KIAA1217: variants seen among roughly 807,000 people sequenced by gnomAD.
KIAA1217 encodes sickle tail protein homolog.
In KIAA1217, 88 loss-of-function variants were observed where a neutral mutation model predicts 163.9. That is an observed-to-expected ratio of 0.54 (90% confidence interval 0.45 to 0.64). The LOEUF (loss-of-function observed/expected upper bound fraction) is 0.64, where lower values mean the gene tolerates loss of function less well. Among genes scored for constraint, KIAA1217 ranks in the 30% least tolerant of loss-of-function variants. KIAA1217 has a pLI of 0.00. For synonymous variants in KIAA1217, 903 were observed against 923.1 expected (o/e 0.98, Z 0.39); for missense variants, 2,372 against 2,475.0 (o/e 0.96, Z 0.88).
At chr10:24,094,412 G>A (rs998177406) in intron 2 of KIAA1217, among the ~76,000 whole-genome samples, 1 of 152,188 alleles carries the variant, frequency 6.6e-6, no homozygotes, top group Non-Finnish European at 1.5e-5. Flanking sequence ...GGTTTTTGGT[G>A]TGGATGTCCT....
chr10:24,395,793 C>G (rs2055652269), intron 3 of KIAA1217, among the ~76,000 whole-genome samples: 3 of 152,132 alleles, frequency 2.0e-5, no homozygotes, highest in Admixed American at 6.5e-5. Context: ...ACCTCAGCCT[C>G]TCAAGTAGCT....
chr10:24,287,042 T>TTTTTG (rs1426976208), intron 2 of KIAA1217, among the ~76,000 whole-genome samples: 4 of 152,082 alleles, frequency 2.6e-5, no homozygotes, highest in Non-Finnish European at 2.9e-5. Context: ...TCTCACTTGT[T>TTTTTG]TTTTGTTTTG....
chr10:24,245,552 T>C (rs1047974582), intron 2 of KIAA1217, among the ~76,000 whole-genome samples: 1 of 152,202 alleles, frequency 6.6e-6, no homozygotes, highest in Non-Finnish European at 1.5e-5. Flanking sequence ...TGATTTTCTC[T>C]CTTCAATATT....
intron 1 of KIAA1217, among the ~76,000 whole-genome samples, chr10:23,895,523 G>T (rs1378415159): frequency 2.0e-5 from 3 of 152,086 alleles, no homozygotes; most frequent in African/African-American, 7.2e-5. Context: ...GGAGAAATAG[G>T]AACACTTTTA....
intron 1 of KIAA1217, among the ~76,000 whole-genome samples, chr10:23,984,797 A>G (rs1361586871): frequency 6.6e-6 from 1 of 152,076 alleles, no homozygotes; most frequent in Admixed American, 6.6e-5. Flanking sequence ...GCATTAGGAC[A>G]AGTACCTAAT....
At chr10:24,181,980 G>T (rs1173663244) in intron 2 of KIAA1217, among the ~76,000 whole-genome samples, 1 of 152,176 alleles carries the variant, frequency 6.6e-6, no homozygotes, top group East Asian at 1.9e-4. Flanking sequence ...TTTAAGTGGG[G>T]CTTTGAGAGA....
intron 5 of KIAA1217, among the ~76,000 whole-genome samples, chr10:24,451,451 T>C (rs1163664857): frequency 2.0e-5 from 3 of 152,214 alleles, no homozygotes; most frequent in Admixed American, 1.3e-4. Flanking sequence ...CTCCTGAAGA[T>C]TGAGACATCA....
intron 1 of KIAA1217, among the ~76,000 whole-genome samples, chr10:23,892,642 A>C (rs2131218276): frequency 6.6e-6 from 1 of 152,074 alleles, no homozygotes; most frequent in Middle Eastern, 3.4e-3. Context: ...CTCATGGAAA[A>C]TTTGCACAGT....
chr10:23,750,810 C>A (rs1196790431), intron 1 of KIAA1217, among the ~76,000 whole-genome samples: 1 of 151,978 alleles, frequency 6.6e-6, no homozygotes. Flanking sequence ...AAGTGTTGGT[C>A]CTATTTTACA....
In KIAA1217 at chr10:24,547,568, T is replaced by C. The variant is rs1304857485; in HGVS notation, c.*1244T>C. 6.6e-6 allele frequency: 1 copy of C among 152,228 alleles called. No individual in the cohort carries two copies. Among genetic ancestry groups the C allele is most frequent in the Non-Finnish European group, 1.5e-5 (1 of 68,042 alleles). 9.4% of individuals were successfully genotyped at this position (152,228 alleles called of 1,614,324 possible). On this transcript the variant is annotated 3_prime_UTR_variant, in exon 21 of 21. Transcript: ENST00000376454. ...GTTACCGAGTTAAATGTTTTTCCGC[T>C]TTGAGGGATGTAACCACATCCACTC...
In KIAA1217 at chr10:24,059,213, C is replaced by G. The variant is rs1347935463; in HGVS notation, c.-171+51839C>G. 2.0e-5 allele frequency among the ~76,000 whole-genome samples: 3 copies of G among 151,942 alleles called. No homozygotes were observed. The East Asian group carries it at 5.8e-4, about 29-fold the overall frequency. ...TTTGTATGCTCCACCATCCTTGCAC[C>G]CTAGGGATAAATTTCACTTGGTCAT... On this transcript the variant is annotated intron_variant, in intron 2 of 18. Transcript: ENST00000376462.
chr10:24,418,140 G>A (rs1485501471), intron 3 of KIAA1217, among the ~76,000 whole-genome samples: 1 of 150,140 alleles, frequency 6.7e-6, no homozygotes, highest in East Asian at 1.9e-4. Context: ...TTTATTTTTT[G>A]TAGAGATCAT....
At chr10:24,294,202 A>AAAG in intron 2 of KIAA1217, among the ~76,000 whole-genome samples, 2 of 151,260 alleles carry the variant, frequency 1.3e-5, no homozygotes, top group Non-Finnish European at 1.5e-5. Flanking sequence ...AAAAAAAAAA[A>AAAG]AAAAAAAAAA....
At chr10:24,228,862 T>C (rs4546998) in intron 2 of KIAA1217, among the ~76,000 whole-genome samples, 56,479 of 152,098 alleles carry the variant, frequency 0.37, 10,843 homozygotes, top group Non-Finnish European at 0.42. Context: ...TTGGCATTTT[T>C]ACAGAATATA....
intron 1 of KIAA1217, among the ~76,000 whole-genome samples, chr10:23,766,127 C>T (rs1272235980): frequency 2.6e-5 from 4 of 152,176 alleles, no homozygotes; most frequent in Non-Finnish European, 1.5e-5. Context: ...AGGTTTGCCT[C>T]AGATGACAAG....
intron 2 of KIAA1217, among the ~76,000 whole-genome samples, chr10:24,374,966 G>T (rs1263544621): frequency 6.6e-6 from 1 of 151,988 alleles, no homozygotes; most frequent in South Asian, 2.1e-4. Context: ...TTAATTTTTT[G>T]TAGAGACAGA....
chr10:24,034,347 C>T (rs190274814), intron 2 of KIAA1217, among the ~76,000 whole-genome samples: 46 of 152,038 alleles, frequency 3.0e-4, no homozygotes, highest in South Asian at 2.5e-3. Context: ...ATTGCTTGAG[C>T]CCAGGAGTTC....
Position 23,904,498 on chromosome 10 carries a change from G to T in KIAA1217, c.-320-102727G>T, listed in dbSNP as rs553090004. 1.4e-3 allele frequency among the ~76,000 whole-genome samples: 210 copies of T among 152,188 alleles called. 4 individuals carry two copies. Among genetic ancestry groups the T allele is most frequent in the South Asian group, 0.012 (56 of 4,826 alleles). On this transcript the variant is annotated intron_variant, in intron 1 of 18. Transcript: ENST00000376462. ...AAAAGTTATATTGTATTCATGCAAG[G>T]CCAGCTGCAAATTTTAGAACATCAG... is the stretch of plus-strand genomic sequence containing the variant.
intron 1 of KIAA1217, among the ~76,000 whole-genome samples, chr10:24,005,892 C>T (rs956897663): frequency 6.6e-6 from 1 of 152,058 alleles, no homozygotes; most frequent in Non-Finnish European, 1.5e-5. Context: ...ACTAGAACCT[C>T]GAATATAGAT....
Sources: allele counts gnomAD v4.1 joint callset (sites outside exome capture counted in the v4.1 genomes callset), GRCh38; gene constraint gnomAD v4.1.1; transcripts MANE v1.5; gene names NCBI Gene and HGNC (gene_info 2026-07-23, HGNC 2026-07-21).